The following ARL15 variants were observed in gnomAD, a reference collection of about 807,000 sequenced individuals.
ARL15 encodes the protein ARF like GTPase 15, also known as ADP-ribosylation factor-like protein 15.
A neutral mutation model predicts 25.2 loss-of-function variants in ARL15; 19 were observed. The ratio of observed to expected loss-of-function variants is 0.75; its 90% CI spans 0.53 to 1.10. The LOEUF (loss-of-function observed/expected upper bound fraction) is 1.10. ARL15 is among the 50% of genes least tolerant of loss of function. ARL15 has a pLI of 0.00. For synonymous variants in ARL15, 94 were observed against 86.8 expected, an observed-to-expected ratio of 1.08 and a Z score of -0.46; for missense variants, 220 against 246.0, an observed-to-expected ratio of 0.89 and a Z score of 0.71.
At chr5:54,253,044 T>A (rs1757277598) in intron 1 of ARL15, among the ~76,000 whole-genome samples, 1 of 151,898 alleles carries the variant, frequency 6.6e-6, no homozygotes, top group African/African-American at 2.4e-5. Flanking sequence ...AGTTTTTTTT[T>A]TTAAAAAAGC....
intron 4 of ARL15, among the ~76,000 whole-genome samples, chr5:53,938,602 G>A (rs767990369): frequency 6.6e-6 from 1 of 152,230 alleles, no homozygotes; most frequent in East Asian, 1.9e-4. Context: ...AAGACAGGCA[G>A]ATCACTTGAG....
chr5:54,277,739 G>A (rs914594975), intron 1 of ARL15, among the ~76,000 whole-genome samples: 5 of 152,066 alleles, frequency 3.3e-5, no homozygotes, highest in East Asian at 1.9e-4. Context: ...GTGACAGAGT[G>A]AGACTTCGTC....
intron 1 of ARL15, among the ~76,000 whole-genome samples, chr5:54,277,140 G>A (rs1455240359): frequency 6.6e-6 from 1 of 151,956 alleles, no homozygotes; most frequent in African/African-American, 2.4e-5. Flanking sequence ...ATGAAAATAA[G>A]CAATTTTAAT....
chr5:53,977,321 C>G (rs1014525671), intron 4 of ARL15, among the ~76,000 whole-genome samples: 2 of 146,030 alleles, frequency 1.4e-5, no homozygotes, highest in Non-Finnish European at 3.0e-5. Context: ...CGCCACTGCA[C>G]TCCAGCCTGA....
intron 4 of ARL15, among the ~76,000 whole-genome samples, chr5:53,897,132 G>A (rs1005374299): frequency 4.6e-5 from 7 of 152,022 alleles, no homozygotes; most frequent in African/African-American, 1.5e-4. Context: ...GAAAGCATAC[G>A]ATTCAGTTGC....
At chr5:54,257,428 G>T (rs1757398164) in intron 1 of ARL15, among the ~76,000 whole-genome samples, 1 of 152,096 alleles carries the variant, frequency 6.6e-6, no homozygotes, top group Admixed American at 6.5e-5. Flanking sequence ...CACACCCCTA[G>T]GAAAGCCAAC....
chr5:53,959,882 CT>C (rs60406671), intron 4 of ARL15, among the ~76,000 whole-genome samples: 2 of 151,450 alleles, frequency 1.3e-5, no homozygotes, highest in Non-Finnish European at 2.9e-5. Flanking sequence ...ATCTTGTTTA[CT>C]TTTTTTTTCC....
At chr5:54,239,773 C>G (rs746347136) in intron 1 of ARL15, among the ~76,000 whole-genome samples, 2 of 152,084 alleles carry the variant, frequency 1.3e-5, no homozygotes, top group Non-Finnish European at 2.9e-5. Flanking sequence ...TTTAAGCCAC[C>G]ATTGCAGATG....
chr5:54,067,082 T>A (rs746347215), intron 4 of ARL15: 5 of 152,646 alleles, frequency 3.3e-5, no homozygotes, highest in Non-Finnish European at 5.9e-5. Context: ...AATGACTGAT[T>A]CAACATCTAA....
At chr5:54,220,864 C>T (rs961691143) in intron 1 of ARL15, among the ~76,000 whole-genome samples, 6 of 152,014 alleles carry the variant, frequency 3.9e-5, no homozygotes, top group Non-Finnish European at 5.9e-5. Flanking sequence ...TCCGCAGTGC[C>T]GACTCTCGTC....
chr5:54,072,786 C>T (rs1451106230), intron 4 of ARL15, among the ~76,000 whole-genome samples: 2 of 152,180 alleles, frequency 1.3e-5, no homozygotes, highest in Non-Finnish European at 2.9e-5. Flanking sequence ...TTTTCCCACT[C>T]CCTTTCCAAA....
chr5:53,946,536 G>A (rs892792886), intron 4 of ARL15, among the ~76,000 whole-genome samples: 12 of 147,956 alleles, frequency 8.1e-5, no homozygotes, highest in South Asian at 2.2e-4. Flanking sequence ...ACTTAAAATC[G>A]CTGTTAAAAG....
chr5:53,911,414 C>T (rs774517391), intron 4 of ARL15, among the ~76,000 whole-genome samples: 18 of 152,020 alleles, frequency 1.2e-4, no homozygotes, highest in Admixed American at 3.3e-4. Context: ...CATTCCTTCC[C>T]CCATGACTGT....
chr5:54,199,240 A>AG (rs1297658591), intron 1 of ARL15, among the ~76,000 whole-genome samples: 11 of 152,204 alleles, frequency 7.2e-5, no homozygotes, highest in Non-Finnish European at 1.0e-4. Flanking sequence ...GGCATGGGCA[A>AG]GGACTTCATG....
intron 1 of ARL15, among the ~76,000 whole-genome samples, chr5:54,245,235 A>G (rs1195686867): frequency 1.3e-5 from 2 of 152,228 alleles, no homozygotes; most frequent in African/African-American, 2.4e-5. Context: ...ATTAGTAACC[A>G]CTGAATCTTA....
chr5:54,148,448 G>A (rs1361678101), intron 3 of ARL15, among the ~76,000 whole-genome samples: 1 of 152,252 alleles, frequency 6.6e-6, no homozygotes, highest in East Asian at 1.9e-4. Flanking sequence ...ACTATTGCAT[G>A]GGCCGAAGCA....
intron 4 of ARL15, among the ~76,000 whole-genome samples, chr5:54,012,733 A>G (rs1749286813): frequency 6.6e-6 from 1 of 151,714 alleles, no homozygotes; most frequent in Non-Finnish European, 1.5e-5. Flanking sequence ...CATGTTGGTC[A>G]GGCTGGTCTC....
In ARL15 at chr5:54,199,951, A is replaced by C. The variant is rs1755663829; in HGVS notation, c.49-28023T>G. On this transcript the variant is annotated intron_variant, in intron 1 of 4. Coordinates refer to ENST00000504924, the MANE Select transcript of ARL15 (RefSeq NM_019087.3). ...AAATGTGGCACATATACACCATGGA[A>C]TACTATGCAGCCATAAAAAATGATG... 1.3e-5 allele frequency among the ~76,000 whole-genome samples: 2 copies of C among 148,322 alleles called. 1 individual carries two copies. The highest frequency in any genetic ancestry group is 4.3e-4 in the South Asian group (2 of 4,656).
At chr5:54,228,636 C>T (rs1244747252) in intron 1 of ARL15, among the ~76,000 whole-genome samples, 1 of 152,124 alleles carries the variant, frequency 6.6e-6, no homozygotes, top group Non-Finnish European at 1.5e-5. Flanking sequence ...TAGTTCTAAC[C>T]TCTTCCACAA....
Sources: gnomAD v4.1 joint callset for allele counts (sites outside exome capture counted in the v4.1 genomes callset) on GRCh38, gnomAD v4.1.1 for gene constraint, MANE v1.5 for transcripts, NCBI Gene and HGNC (gene_info 2026-07-23, HGNC 2026-07-21) for gene names.